The following IKZF2 variants were observed in gnomAD, a reference collection of about 807,000 sequenced individuals.
IKZF2 encodes zinc finger protein Helios.
In IKZF2, 15 loss-of-function variants were observed where a neutral mutation model predicts 49.2. The ratio of observed to expected loss-of-function variants is 0.30; its 90% CI spans 0.20 to 0.47. The LOEUF is 0.47. Among genes scored for constraint, IKZF2 ranks in the 20% least tolerant of loss-of-function variants. The pLI, the probability that IKZF2 is intolerant of heterozygous loss-of-function variation, is 1.00. For missense variants in IKZF2, 567 were observed against 664.6 expected (o/e 0.85, Z 1.61); for synonymous variants, 227 against 221.4 (o/e 1.03, Z -0.23).
chr2:213,083,965 T>C (rs1704275686), intron 4 of IKZF2, among the ~76,000 whole-genome samples: 1 of 151,734 alleles, frequency 6.6e-6, no homozygotes, highest in South Asian at 2.1e-4. Flanking sequence ...CCCGAAACCA[T>C]CCCCCACTAA....
At chr2:213,067,523 C>T (rs1702273493) in intron 4 of IKZF2, among the ~76,000 whole-genome samples, 1 of 152,026 alleles carries the variant, frequency 6.6e-6, no homozygotes, top group East Asian at 1.9e-4. Flanking sequence ...TATCCTAAAA[C>T]CACAGAGCAT....
intron 4 of IKZF2, among the ~76,000 whole-genome samples, chr2:213,063,599 T>A (rs1701902067): frequency 6.6e-6 from 1 of 152,022 alleles, no homozygotes; most frequent in Non-Finnish European, 1.5e-5. Context: ...AAACAGTTTT[T>A]ATGATTTATA....
rs1333901987 is a variant in IKZF2, at chr2:213,000,919, T to TA, written c.*6440dup. On this transcript the variant is annotated 3_prime_UTR_variant, in exon 9 of 9. Transcript: ENST00000434687. ...AATTTCCATGGAAATTTAGCTTAAATAAAGATACCATGAGATCAGACTAGT... is the reference window on the plus strand; with the variant it reads ...AATTTCCATGGAAATTTAGCTTAAATAAAAGATACCATGAGATCAGACTAGT... 6.6e-6 allele frequency: 1 copy of TA among 151,608 alleles called. No homozygotes were observed. Among genetic ancestry groups the TA allele is most frequent in the Admixed American group, 6.6e-5 (1 of 15,150 alleles). 9.4% of individuals were successfully genotyped at this position (151,608 alleles called of 1,614,324 possible). A position where few individuals can be genotyped will look rare whatever the true frequency, so the allele number is the denominator to read the frequency against.
intron 4 of IKZF2, among the ~76,000 whole-genome samples, chr2:213,092,324 G>C (rs1474766288): frequency 6.6e-6 from 1 of 152,098 alleles, no homozygotes; most frequent in Non-Finnish European, 1.5e-5. Context: ...CACTGTGCCT[G>C]GCCTATAAGC....
chr2:213,090,760 T>C (rs1317142689), intron 4 of IKZF2, among the ~76,000 whole-genome samples: 1 of 152,068 alleles, frequency 6.6e-6, no homozygotes. Context: ...GTGATGCAGA[T>C]ATAAGCCAGG....
chr2:213,015,932 C>G (rs763783087), intron 7 of IKZF2, among the ~76,000 whole-genome samples: 1 of 152,104 alleles, frequency 6.6e-6, no homozygotes, highest in African/African-American at 2.4e-5. Flanking sequence ...CATATTTGAA[C>G]GCATTTAACA....
intron 4 of IKZF2, among the ~76,000 whole-genome samples, chr2:213,080,841 A>AAAAAAAGC (rs1703866272): frequency 6.6e-6 from 1 of 152,068 alleles, no homozygotes; most frequent in African/African-American, 2.4e-5. Flanking sequence ...TATGGAAGGA[A>AAAAAAAGC]AAAAAAAGCT....
chr2:213,029,342 G>A (rs1453949588), intron 6 of IKZF2, among the ~76,000 whole-genome samples: 1 of 151,844 alleles, frequency 6.6e-6, no homozygotes, highest in Admixed American at 6.6e-5. Context: ...TTCAATTCCT[G>A]GAATAAATGT....
intron 4 of IKZF2, among the ~76,000 whole-genome samples, chr2:213,129,887 G>A (rs1204398131): frequency 6.6e-6 from 1 of 152,132 alleles, no homozygotes; most frequent in Non-Finnish European, 1.5e-5. Flanking sequence ...ACTGGATGTG[G>A]GATTTCCTTT....
chr2:213,016,270 G>T lies in IKZF2; in HGVS notation c.713-2336C>A, dbSNP rs1158302533. On this transcript the variant is annotated intron_variant, in intron 7 of 8. Coordinates refer to ENST00000434687, the MANE Select transcript of IKZF2 (RefSeq NM_001387220.1). ...ACAGATGAGAACAGAAAGACCCAGA[G>T]ATGTTAAGTAATTTCCTCAGGGTTT... is the stretch of plus-strand genomic sequence containing the variant. 2.0e-5 allele frequency among the ~76,000 whole-genome samples: 3 copies of T among 152,206 alleles called. No individual in the cohort carries two copies. The East Asian group carries it at 5.8e-4, about 29-fold the overall frequency.
chr2:213,012,134 C>G (rs1264158292), intron 8 of IKZF2, among the ~76,000 whole-genome samples: 2 of 151,816 alleles, frequency 1.3e-5, no homozygotes, highest in Non-Finnish European at 2.9e-5. Context: ...GTTTCAAGAA[C>G]AATAACAGAA....
At chr2:213,052,206 A>G (rs1438854294) in intron 5 of IKZF2, among the ~76,000 whole-genome samples, 2 of 152,038 alleles carry the variant, frequency 1.3e-5, no homozygotes, top group Admixed American at 1.3e-4. Context: ...CAAATGGCGT[A>G]GAATAAACAA....
intron 6 of IKZF2, among the ~76,000 whole-genome samples, chr2:213,030,180 T>C (rs1456873237): frequency 6.6e-6 from 1 of 152,178 alleles, no homozygotes; most frequent in Non-Finnish European, 1.5e-5. Context: ...AAATTGTTGG[T>C]AGTTTCCCAC....
At chr2:213,149,070 TTCA>T (rs1483013088) in intron 2 of IKZF2, among the ~76,000 whole-genome samples, 7 of 152,140 alleles carry the variant, frequency 4.6e-5, no homozygotes. Context: ...TGCAAGTTGG[TTCA>T]TCATGTTCTA....
chr2:213,018,178 C>T (rs1024713148), intron 7 of IKZF2, among the ~76,000 whole-genome samples: 1 of 151,928 alleles, frequency 6.6e-6, no homozygotes, highest in African/African-American at 2.4e-5. Context: ...TCAAGCTAAG[C>T]AGACTTGAAA....
intron 5 of IKZF2, among the ~76,000 whole-genome samples, chr2:213,053,712 T>A (rs1700885236): frequency 1.3e-5 from 2 of 152,210 alleles, no homozygotes; most frequent in African/African-American, 4.8e-5. Flanking sequence ...ATGAATTGAT[T>A]TACTTTCCCT....
At chr2:213,124,028 G>A (rs1574926258) in intron 4 of IKZF2, among the ~76,000 whole-genome samples, 1 of 152,036 alleles carries the variant, frequency 6.6e-6, no homozygotes, top group Non-Finnish European at 1.5e-5. Flanking sequence ...GATCAGCAAT[G>A]GAACAGTAAA....
At chr2:213,106,538 G>A (rs1407443384) in intron 4 of IKZF2, among the ~76,000 whole-genome samples, 1 of 151,334 alleles carries the variant, frequency 6.6e-6, no homozygotes, top group African/African-American at 2.4e-5. Flanking sequence ...CAGAGGCTGA[G>A]GTGAGAGGAT....
chr2:213,014,862 CTTG>C (rs1696394414), intron 7 of IKZF2: 1 of 151,978 alleles, frequency 6.6e-6, no homozygotes, highest in African/African-American at 2.4e-5. Flanking sequence ...TAACTTATTA[CTTG>C]TTGTTTATTG....
Sources: gnomAD v4.1 joint callset for allele counts (sites outside exome capture counted in the v4.1 genomes callset) on GRCh38, gnomAD v4.1.1 for gene constraint, MANE v1.5 for transcripts, NCBI Gene and HGNC (gene_info 2026-07-23, HGNC 2026-07-21) for gene names.